KCNB2: variants seen among roughly 807,000 people sequenced by gnomAD.
KCNB2 encodes the protein delayed rectifier potassium channel protein.
Under a neutral mutation model 61.5 loss-of-function variants are expected in KCNB2, and 15 were observed. The observed-to-expected ratio is 0.24, with a 90% CI of 0.16 to 0.38. The LOEUF is 0.38. Among genes scored for constraint, KCNB2 ranks in the 10% least tolerant of loss-of-function variants. KCNB2 has a pLI of 1.00. For synonymous variants in KCNB2, 457 were observed against 446.0 expected (o/e 1.02, Z -0.31); for missense variants, 828 against 1,125.2 (o/e 0.74, Z 3.78).
intron 2 of KCNB2, among the ~76,000 whole-genome samples, chr8:72,825,934 C>T (rs570320191): frequency 5.9e-5 from 9 of 152,116 alleles, no homozygotes; most frequent in Admixed American, 2.6e-4. Context: ...ATTTTGTTGC[C>T]TGTGCTTTTG....
chr8:72,852,998 G>A (rs150299723), intron 2 of KCNB2, among the ~76,000 whole-genome samples: 6 of 152,346 alleles, frequency 3.9e-5, no homozygotes, highest in African/African-American at 1.4e-4. Flanking sequence ...CTGGAGGGGA[G>A]AGGGAGTGAA....
intron 2 of KCNB2, among the ~76,000 whole-genome samples, chr8:72,631,808 T>G (rs190166727): frequency 1.2e-4 from 19 of 152,354 alleles, no homozygotes; most frequent in Middle Eastern, 3.4e-3. Context: ...TTATTCAGAA[T>G]GTCTTAATGA....
chr8:72,625,597 A>C (rs1253473130), intron 2 of KCNB2, among the ~76,000 whole-genome samples: 1 of 151,788 alleles, frequency 6.6e-6, no homozygotes, highest in Non-Finnish European at 1.5e-5. Flanking sequence ...TGCCCAGGTT[A>C]TTTTTGTATT....
chr8:72,869,208 G>A (rs768869335), intron 2 of KCNB2, among the ~76,000 whole-genome samples: 2 of 152,172 alleles, frequency 1.3e-5, no homozygotes, highest in Non-Finnish European at 2.9e-5. Context: ...GGCCTTGAGA[G>A]GCAGAGAAAA....
At chr8:72,725,577 A>ATGTGTG (rs1397992108) in intron 2 of KCNB2, among the ~76,000 whole-genome samples, 1 of 65,734 alleles carries the variant, frequency 1.5e-5, no homozygotes, top group African/African-American at 7.6e-5. Context: ...ATATATATGT[A>ATGTGTG]TATATATATG....
At chr8:72,803,860 G>C (rs1809168083) in intron 2 of KCNB2, among the ~76,000 whole-genome samples, 1 of 152,202 alleles carries the variant, frequency 6.6e-6, no homozygotes, top group African/African-American at 2.4e-5. Flanking sequence ...AAAGCAGGAA[G>C]GAAGAGGTGA....
Position 72,628,757 on chromosome 8 carries a change from G to A in KCNB2, c.579+60444G>A, listed in dbSNP as rs73305866. On this transcript the variant is annotated intron_variant, in intron 2 of 2. Coordinates refer to ENST00000523207, the MANE Select transcript of KCNB2 (RefSeq NM_004770.3). ...TAGGGTCAACATTTGGGAATAGGCC[G>A]AGCCCACCTCCTTGCACACATCTGC... Among the ~76,000 whole-genome samples the A allele has an allele frequency of 1.1e-3, 162 of 152,138 alleles. 1 individual carries two copies. The highest frequency in any genetic ancestry group is 3.7e-3 in the African/African-American group (155 of 41,500).
At chr8:72,873,021 C>T (rs1288633111) in intron 2 of KCNB2, among the ~76,000 whole-genome samples, 1 of 152,148 alleles carries the variant, frequency 6.6e-6, no homozygotes, top group Non-Finnish European at 1.5e-5. Flanking sequence ...GGTGAATCAC[C>T]TAGACTCCAC....
intron 2 of KCNB2, among the ~76,000 whole-genome samples, chr8:72,712,057 T>C (rs142877452): frequency 4.8e-4 from 73 of 152,356 alleles, no homozygotes; most frequent in African/African-American, 1.7e-3. Flanking sequence ...ATATGTTACT[T>C]ATTCTAAATG....
intron 2 of KCNB2, among the ~76,000 whole-genome samples, chr8:72,761,418 C>T (rs183158085): frequency 1.9e-4 from 29 of 152,284 alleles, no homozygotes; most frequent in African/African-American, 6.7e-4. Context: ...CCAACAATGC[C>T]TAAGGAGATT....
chr8:72,628,756 C>T (rs1292009190), intron 2 of KCNB2, among the ~76,000 whole-genome samples: 5 of 152,162 alleles, frequency 3.3e-5, no homozygotes, highest in Admixed American at 6.5e-5. Flanking sequence ...GGGAATAGGC[C>T]GAGCCCACCT....
intron 2 of KCNB2, among the ~76,000 whole-genome samples, chr8:72,707,236 T>C (rs1382512316): frequency 6.6e-6 from 1 of 152,158 alleles, no homozygotes; most frequent in Admixed American, 6.5e-5. Context: ...CTCACAAAAA[T>C]AATAACCCTC....
At chr8:72,623,905 G>A (rs917288661) in intron 2 of KCNB2, among the ~76,000 whole-genome samples, 2 of 152,134 alleles carry the variant, frequency 1.3e-5, no homozygotes, top group Non-Finnish European at 2.9e-5. Context: ...GTCCTTTCTG[G>A]CTCCAGCTTT....
At chr8:72,863,449 G>A (rs1805451479) in intron 2 of KCNB2, among the ~76,000 whole-genome samples, 1 of 152,054 alleles carries the variant, frequency 6.6e-6, no homozygotes, top group Non-Finnish European at 1.5e-5. Context: ...AGATTATTAT[G>A]CAAAAACCCA....
rs183968432 is a variant in KCNB2, at chr8:72,829,371, T to A, written c.580-106564T>A. Among the ~76,000 whole-genome samples, 66 of 152,318 alleles carry A rather than the reference T, an allele frequency of 4.3e-4. 1 individual carries two copies. In the Middle Eastern group the frequency reaches 0.01, roughly 24 times the overall value. On this transcript the variant is annotated intron_variant, in intron 2 of 2. Coordinates refer to ENST00000523207, the MANE Select transcript of KCNB2 (RefSeq NM_004770.3). ...AAATGGTAGATACACTGGACCCAAT[T>A]GAAATCTTCAGAATGAATGGAAATC...
intron 2 of KCNB2, among the ~76,000 whole-genome samples, chr8:72,721,563 G>T (rs1807549299): frequency 6.6e-6 from 1 of 152,188 alleles, no homozygotes; most frequent in Admixed American, 6.5e-5. Context: ...AGAAGGAATG[G>T]GAAGGTAACA....
chr8:72,672,026 C>T (rs1486789911), intron 2 of KCNB2, among the ~76,000 whole-genome samples: 2 of 152,052 alleles, frequency 1.3e-5, no homozygotes, highest in African/African-American at 2.4e-5. Context: ...GTGGTTGAAT[C>T]GTTGTTTGTT....
intron 2 of KCNB2, among the ~76,000 whole-genome samples, chr8:72,680,590 G>T (rs548329008): frequency 6.6e-6 from 1 of 152,306 alleles, no homozygotes; most frequent in South Asian, 2.1e-4. Flanking sequence ...GTGGGAGGCA[G>T]TGAGGTATTG....
intron 2 of KCNB2, among the ~76,000 whole-genome samples, chr8:72,637,674 G>C (rs758565985): frequency 1.3e-5 from 2 of 152,102 alleles, no homozygotes; most frequent in Non-Finnish European, 2.9e-5. Flanking sequence ...AGAACCCTGC[G>C]AGTCCCTCTT....
Sources: allele counts gnomAD v4.1 joint callset (sites outside exome capture counted in the v4.1 genomes callset), GRCh38; gene constraint gnomAD v4.1.1; transcripts MANE v1.5; gene names NCBI Gene and HGNC (gene_info 2026-07-23, HGNC 2026-07-21).